MMP26: variants seen among roughly 807,000 people sequenced by gnomAD.
MMP26 encodes the protein matrix metallopeptidase 26.
MMP26 carries 33 observed loss-of-function variants against 31.0 expected under a neutral mutation model. That is an observed-to-expected ratio of 1.06 (90% CI 0.81 to 1.42). MMP26 has a LOEUF of 1.42. MMP26 is among the 40% of genes most tolerant of loss of function. MMP26 has a pLI of 0.00. For synonymous variants in MMP26, 122 were observed against 114.9 expected (o/e 1.06, Z -0.40); for missense variants, 347 against 316.1 (o/e 1.10, Z -0.74).
intron 2 of MMP26, among the ~76,000 whole-genome samples, chr11:4,785,275 GTATT>G (rs375625809): frequency 2.0e-4 from 31 of 152,246 alleles, no homozygotes; most frequent in East Asian, 1.4e-3. Context: ...ATTAAAAAAT[GTATT>G]TATCCTCTCT....
At position 4,919,109 on chromosome 11, in the gene MMP26, T is replaced by G. The variant is rs536719348; in HGVS notation, c.-144-68959T>G. On this transcript the variant is annotated intron_variant, in intron 2 of 7. Transcript: ENST00000380390. ...TGATGTGAGAAAGCTGTTGTCTACTTTCTGAGCTGGTGCTAAGATCAGACC... is the reference window on the plus strand; with the variant it reads ...TGATGTGAGAAAGCTGTTGTCTACTGTCTGAGCTGGTGCTAAGATCAGACC... 6 of 152,362 alleles carry G rather than the reference T, an allele frequency of 3.9e-5. No individual in the cohort carries two copies. In the South Asian group the frequency reaches 1.2e-3, roughly 32 times the overall value. 9.4% of individuals were successfully genotyped at this position (152,362 alleles called of 1,614,324 possible).
At chr11:4,817,901 C>G (rs1849443113) in intron 2 of MMP26, among the ~76,000 whole-genome samples, 2 of 152,084 alleles carry the variant, frequency 1.3e-5, no homozygotes, top group African/African-American at 2.4e-5. Context: ...GAAAGGGCAC[C>G]TCTTCCTCTG....
At chr11:4,795,372 T>A (rs1056982437) in intron 2 of MMP26, 5 of 152,170 alleles carry the variant, frequency 3.3e-5, no homozygotes, top group African/African-American at 1.2e-4. Context: ...GGGAGAAACC[T>A]ATCCTCTGAA....
intron 2 of MMP26, among the ~76,000 whole-genome samples, chr11:4,933,290 G>A (rs1038117576): frequency 1.3e-5 from 2 of 151,952 alleles, no homozygotes; most frequent in Non-Finnish European, 2.9e-5. Context: ...CATACTATGG[G>A]CTACTCGATG....
At chr11:4,846,543 T>C (rs1440377946) in intron 2 of MMP26, among the ~76,000 whole-genome samples, 11 of 152,264 alleles carry the variant, frequency 7.2e-5, no homozygotes, top group Non-Finnish European at 1.5e-4. Flanking sequence ...TTTTAAGATA[T>C]CTAAAGGAAT....
chr11:4,914,437 C>A, intron 2 of MMP26: 8 of 338,156 alleles, frequency 2.4e-5, no homozygotes, highest in East Asian at 5.2e-5. Context: ...AGAAGTAGAC[C>A]CTATCTCTTT....
At chr11:4,886,733 T>TTTTTTTTTTTTTTTGA (rs1554888928) in intron 2 of MMP26, among the ~76,000 whole-genome samples, 2 of 151,044 alleles carry the variant, frequency 1.3e-5, no homozygotes, top group Non-Finnish European at 3.0e-5. Context: ...ACTTTATTTT[T>TTTTTTTTTTTTTTTGA]GACAGACAGC....
intron 2 of MMP26, chr11:4,908,302 G>A (rs1425491478): frequency 6.2e-7 from 1 of 1,613,432 alleles, no homozygotes; most frequent in Admixed American, 1.7e-5. Context: ...ATGTATGTGG[G>A]AGATAAGAAC....
chr11:4,881,095 A>C (rs1850454769), intron 2 of MMP26, among the ~76,000 whole-genome samples: 1 of 152,148 alleles, frequency 6.6e-6, no homozygotes, highest in African/African-American at 2.4e-5. Flanking sequence ...GTTAGCCAGC[A>C]ATGTTGAGAA....
At chr11:4,707,084 G>T (rs1005509326) in intron 1 of MMP26, among the ~76,000 whole-genome samples, 2 of 152,100 alleles carry the variant, frequency 1.3e-5, no homozygotes, top group African/African-American at 2.4e-5. Flanking sequence ...CTTTCCTTTG[G>T]ATATATACTC....
intron 2 of MMP26, among the ~76,000 whole-genome samples, chr11:4,819,764 G>A (rs1282895957): frequency 1.3e-5 from 2 of 151,710 alleles, no homozygotes; most frequent in African/African-American, 2.4e-5. Flanking sequence ...CGTTTTTGTA[G>A]AGATGGGGTT....
chr11:4,874,879 C>T (rs778868435), intron 2 of MMP26, among the ~76,000 whole-genome samples: 15 of 152,054 alleles, frequency 9.9e-5, no homozygotes, highest in African/African-American at 2.4e-4. Context: ...GATTTAACTA[C>T]GCCTTACTTG....
At position 4,754,060 on chromosome 11, in the gene MMP26, A is replaced by G. The variant is rs149995794; in HGVS notation, c.-216-13210A>G. Reference sequence around the variant, plus strand: ...TTGCTCTAATTATTTTACATAGACTATTTCATTTGAGTCTTATGACAAACC... The same window carrying G: ...TTGCTCTAATTATTTTACATAGACTGTTTCATTTGAGTCTTATGACAAACC... On this transcript the variant is annotated intron_variant, in intron 1 of 7. Coordinates refer to ENST00000380390, the MANE Select transcript of MMP26 (RefSeq NM_021801.5). Among the ~76,000 whole-genome samples the G allele has an allele frequency of 2.1e-3, 318 of 149,048 alleles. 1 individual carries two copies. Among genetic ancestry groups the G allele is most frequent in the African/African-American group, 7.2e-3 (292 of 40,688 alleles).
chr11:4,706,046 A>T (rs1009282542), intron 1 of MMP26, among the ~76,000 whole-genome samples: 1 of 152,020 alleles, frequency 6.6e-6, no homozygotes, highest in Non-Finnish European at 1.5e-5. Flanking sequence ...TGTTACAAGA[A>T]TCCTATTACG....
In MMP26 at chr11:4,831,812, G is replaced by A. The variant is rs151197404; in HGVS notation, c.-145+64471G>A. On this transcript the variant is annotated intron_variant, in intron 2 of 7. Coordinates refer to ENST00000380390, the MANE Select transcript of MMP26 (RefSeq NM_021801.5). ...TTAATTGAATCAAAAATCTCAAAAA[G>A]CAAGGGTTTCAAAAAAAGCGGGTAT... Among the ~76,000 whole-genome samples, 785 of 152,140 alleles carry A rather than the reference G, an allele frequency of 5.2e-3. 4 individuals carry two copies. The highest frequency in any genetic ancestry group is 0.027 in the Middle Eastern group (8 of 294).
At chr11:4,857,601 A>G (rs1343431702) in intron 2 of MMP26, among the ~76,000 whole-genome samples, 1 of 152,148 alleles carries the variant, frequency 6.6e-6, no homozygotes, top group Non-Finnish European at 1.5e-5. Flanking sequence ...CCAACCAAAA[A>G]AAGTCCAGGA....
chr11:4,860,547 T>C (rs1416677155), intron 2 of MMP26: 1 of 466,756 alleles, frequency 2.1e-6, no homozygotes, highest in African/African-American at 2.0e-5. Context: ...TGGCCTGTGA[T>C]GCATTCAAGT....
chr11:4,859,684 A>G (rs1457446597), intron 2 of MMP26: 2 of 470,872 alleles, frequency 4.2e-6, no homozygotes, highest in Admixed American at 2.3e-5. Flanking sequence ...CACACTGTAG[A>G]CAATGGGGTT....
chr11:4,925,634 C>T (rs529885372), intron 2 of MMP26, among the ~76,000 whole-genome samples: 1 of 151,886 alleles, frequency 6.6e-6, no homozygotes, highest in Non-Finnish European at 1.5e-5. Flanking sequence ...GGGGTCAGTT[C>T]ATAAAACTGA....
Sources: gnomAD v4.1 joint callset for allele counts (sites outside exome capture counted in the v4.1 genomes callset) on GRCh38, gnomAD v4.1.1 for gene constraint, MANE v1.5 for transcripts, NCBI Gene and HGNC (gene_info 2026-07-23, HGNC 2026-07-21) for gene names.